The following MAPK10 variants were observed in gnomAD, a reference collection of about 807,000 sequenced individuals.
MAPK10 encodes mitogen-activated protein kinase 10.
In MAPK10, 25 loss-of-function variants were observed where a neutral mutation model predicts 59.3. That is an observed-to-expected ratio of 0.42 (90% confidence interval 0.31 to 0.59). The LOEUF (loss-of-function observed/expected upper bound fraction) is 0.59, where lower values mean the gene tolerates loss of function less well. MAPK10 is among the 20% of genes least tolerant of loss of function. The pLI, the probability that MAPK10 is intolerant of heterozygous loss-of-function variation, is 0.15. For synonymous variants in MAPK10, 190 were observed against 200.5 expected, an observed-to-expected ratio of 0.95 and a Z score of 0.44; for missense variants, 351 against 568.9, an observed-to-expected ratio of 0.62 and a Z score of 3.90.
intron 1 of MAPK10, among the ~76,000 whole-genome samples, chr4:86,548,748 C>T (rs77077997): frequency 0.047 from 7,127 of 152,224 alleles, 223 homozygotes; most frequent in African/African-American, 0.059. Flanking sequence ...AATGCAGGTA[C>T]TCTCAGTGCC....
At chr4:86,218,404 G>A (rs879745745) in intron 2 of MAPK10, among the ~76,000 whole-genome samples, 3 of 151,922 alleles carry the variant, frequency 2.0e-5, no homozygotes, top group East Asian at 1.9e-4. Flanking sequence ...ATGGTGATCC[G>A]CACGCCTTGG....
intron 2 of MAPK10, among the ~76,000 whole-genome samples, chr4:86,202,218 A>G (rs886832144): frequency 6.6e-6 from 1 of 151,842 alleles, no homozygotes. Flanking sequence ...TCAGCATTCA[A>G]AATACATTGT....
At chr4:86,519,118 T>C (rs183849651) in intron 1 of MAPK10, among the ~76,000 whole-genome samples, 27 of 152,348 alleles carry the variant, frequency 1.8e-4, no homozygotes, top group African/African-American at 6.3e-4. Context: ...TCTATAAATA[T>C]CTGTTAAGTC....
At chr4:86,137,557 C>T (rs1177047698) in intron 4 of MAPK10, among the ~76,000 whole-genome samples, 1 of 130,936 alleles carries the variant, frequency 7.6e-6, no homozygotes, top group Non-Finnish European at 1.6e-5. Context: ...AAATTTATAG[C>T]ACTAAATGCC....
chr4:86,438,824 G>T (rs1749082676), intron 1 of MAPK10, among the ~76,000 whole-genome samples: 1 of 152,084 alleles, frequency 6.6e-6, no homozygotes, highest in Non-Finnish European at 1.5e-5. Flanking sequence ...AAAGGAGGGA[G>T]GGGTGGAAGC....
chr4:86,485,481 A>G (rs966108840), intron 1 of MAPK10, among the ~76,000 whole-genome samples: 4 of 152,222 alleles, frequency 2.6e-5, no homozygotes, highest in Non-Finnish European at 5.9e-5. Context: ...TTTAATAAAT[A>G]ATATTTGGAT....
intron 2 of MAPK10, among the ~76,000 whole-genome samples, chr4:86,270,597 A>C (rs2094404533): frequency 6.6e-6 from 1 of 152,066 alleles, no homozygotes. Flanking sequence ...TGATATCTAC[A>C]TACACCCTGT....
chr4:86,093,487 T>C (rs2053635411), intron 9 of MAPK10, among the ~76,000 whole-genome samples: 1 of 151,934 alleles, frequency 6.6e-6, no homozygotes, highest in South Asian at 2.1e-4. Context: ...AACATTTCTT[T>C]TAAAATTAGT....
At chr4:86,413,942 C>A (rs574424947) in intron 1 of MAPK10, among the ~76,000 whole-genome samples, 16 of 152,296 alleles carry the variant, frequency 1.1e-4, no homozygotes, top group African/African-American at 3.8e-4. Context: ...CAACCAGTCC[C>A]AGTGAGATGA....
intron 11 of MAPK10, among the ~76,000 whole-genome samples, chr4:86,049,593 T>C (rs1336734061): frequency 2.6e-5 from 4 of 152,112 alleles, no homozygotes; most frequent in Non-Finnish European, 5.9e-5. Flanking sequence ...ATTACCTCCA[T>C]AAGCTTTAAG....
At chr4:86,048,217 G>C (rs1465684182) in intron 11 of MAPK10, among the ~76,000 whole-genome samples, 2 of 152,074 alleles carry the variant, frequency 1.3e-5, no homozygotes, top group East Asian at 3.9e-4. Flanking sequence ...GCACTCGGTA[G>C]ATAAAACTGA....
chr4:86,521,400 G>A (rs1331827716), intron 1 of MAPK10, among the ~76,000 whole-genome samples: 2 of 152,200 alleles, frequency 1.3e-5, no homozygotes, highest in African/African-American at 4.8e-5. Context: ...TACCAGGGCA[G>A]GTAGAGAAAA....
At chr4:86,414,927 T>C (rs1745666560) in intron 1 of MAPK10, among the ~76,000 whole-genome samples, 1 of 151,986 alleles carries the variant, frequency 6.6e-6, no homozygotes, top group African/African-American at 2.4e-5. Context: ...CTCTGAGCAC[T>C]ATTAAGGGCT....
chr4:86,404,586 A>C (rs1192696174), intron 1 of MAPK10, among the ~76,000 whole-genome samples: 1 of 152,158 alleles, frequency 6.6e-6, no homozygotes, highest in Non-Finnish European at 1.5e-5. Flanking sequence ...GGTCCCTTTA[A>C]ATTCAATTTT....
chr4:86,518,529 C>T (rs958026707), intron 1 of MAPK10, among the ~76,000 whole-genome samples: 4 of 151,932 alleles, frequency 2.6e-5, no homozygotes, highest in Non-Finnish European at 4.4e-5. Flanking sequence ...ATCTCACTAA[C>T]GGTCTATTGA....
At position 86,062,317 on chromosome 4, in the gene MAPK10, G is replaced by A. The variant is rs542031205; in HGVS notation, c.1110+1949C>T. On this transcript the variant is annotated intron_variant, in intron 11 of 13. Transcript: ENST00000641462. Reference sequence around the variant, plus strand: ...CATACATCCTGCCTTGTTACTATCCGTGCCCCAGCATGACCAATATCAAAG... The same window carrying A: ...CATACATCCTGCCTTGTTACTATCCATGCCCCAGCATGACCAATATCAAAG... Among the ~76,000 whole-genome samples the A allele has an allele frequency of 3.9e-5, 6 of 152,114 alleles. No homozygotes were observed. In the South Asian group the frequency reaches 6.2e-4, roughly 16 times the overall value.
At chr4:86,056,123 C>T (rs879315216) in intron 11 of MAPK10, among the ~76,000 whole-genome samples, 2 of 150,118 alleles carry the variant, frequency 1.3e-5, no homozygotes, top group South Asian at 2.1e-4. Flanking sequence ...TTCCTCCCAA[C>T]GGGAGATACA....
Position 86,017,942 on chromosome 4 carries a change from C to T in MAPK10, c.1253-572G>A, listed in dbSNP as rs1022146249. ...TTCAACATGTTGGCCAGAATGGTCT[C>T]GATCTCTTGACCTCATGATCCGCCC... On this transcript the variant is annotated intron_variant, in intron 13 of 13. Coordinates refer to ENST00000641462, the MANE Select transcript of MAPK10 (RefSeq NM_138982.4). This position sits in a 1 kb window ranked among gnomAD's most constrained non-coding sequence, Gnocchi z 4.4. 1.3e-5 allele frequency among the ~76,000 whole-genome samples: 2 copies of T among 152,130 alleles called. No homozygotes were observed. The highest frequency in any genetic ancestry group is 6.5e-5 in the Admixed American group (1 of 15,268).
intron 9 of MAPK10, chr4:86,089,391 G>A: frequency 1.5e-6 from 1 of 688,418 alleles, no homozygotes; most frequent in South Asian, 1.8e-5. Flanking sequence ...TCACTGACTG[G>A]ATGAGAGGCC....
Sources: gnomAD v4.1 joint callset for allele counts (sites outside exome capture counted in the v4.1 genomes callset) on GRCh38, gnomAD v4.1.1 for gene constraint, Gnocchi (gnomAD v3.1) non-coding constraint, MANE v1.5 for transcripts, NCBI Gene and HGNC (gene_info 2026-07-23, HGNC 2026-07-21) for gene names.